STPG4: variants seen among roughly 807,000 people sequenced by gnomAD.
The protein encoded by STPG4 is protein STPG4.
Under a neutral mutation model 31.5 loss-of-function variants are expected in STPG4, and 41 were observed. That is an observed-to-expected ratio of 1.30 (90% confidence interval 1.01 to 1.69). STPG4 has a LOEUF of 1.69. Ranked by LOEUF, STPG4 falls within the 40% of genes most tolerant of loss-of-function variation. The probability of loss-of-function intolerance (pLI) is 0.00; values close to 1 mark genes in which losing one functional copy is unlikely to be tolerated. For synonymous variants in STPG4, 141 were observed against 103.0 expected (o/e 1.37, Z -2.24); for missense variants, 375 against 293.4 (o/e 1.28, Z -2.03).
chr2:47,151,082 A>G (rs552706080), intron 3 of STPG4, among the ~76,000 whole-genome samples, 176 bp downstream of exon 3: 36 of 152,238 alleles, frequency 2.4e-4, no homozygotes, highest in African/African-American at 8.2e-4. Flanking sequence ...ATAGGGAAAA[A>G]TCTTACTGGA....
chr2:47,108,922 T>G (rs1685980294), intron 5 of STPG4: 1 of 152,292 alleles, frequency 6.6e-6, no homozygotes, highest in Non-Finnish European at 1.5e-5. Context: ...CCATTTTGCC[T>G]AGCCCAAGGG....
chr2:47,102,639 C>T (rs1481969566), intron 5 of STPG4, among the ~76,000 whole-genome samples: 1 of 151,828 alleles, frequency 6.6e-6, no homozygotes. Context: ...ATCCTAGCCT[C>T]CCTATAGCTC....
At chr2:47,102,339 C>T (rs546908609) in intron 5 of STPG4, among the ~76,000 whole-genome samples, 36 of 151,974 alleles carry the variant, frequency 2.4e-4, no homozygotes, top group Middle Eastern at 3.4e-3. Flanking sequence ...CCTTGAAATG[C>T]ATCCTAAGCC....
chr2:47,106,475 T>A (rs1463566150), intron 5 of STPG4, among the ~76,000 whole-genome samples: 1 of 151,790 alleles, frequency 6.6e-6, no homozygotes, highest in Non-Finnish European at 1.5e-5. Flanking sequence ...TACCACACAC[T>A]CTCAAAGGAT....
At chr2:47,150,934 T>C (rs767066892) in intron 3 of STPG4, among the ~76,000 whole-genome samples, 42 of 152,086 alleles carry the variant, frequency 2.8e-4, no homozygotes, top group Non-Finnish European at 5.4e-4. Context: ...TCACCACATA[T>C]ACTGCTTGAA....
At chr2:47,092,919 A>C (rs1430295259) in intron 5 of STPG4, among the ~76,000 whole-genome samples, 1 of 152,092 alleles carries the variant, frequency 6.6e-6, no homozygotes, top group African/African-American at 2.4e-5. Context: ...CAGCCTCTCA[A>C]GTAGCTAGGA....
intron 5 of STPG4, among the ~76,000 whole-genome samples, chr2:47,091,595 C>G (rs931978204): frequency 6.6e-6 from 1 of 152,088 alleles, no homozygotes; most frequent in African/African-American, 2.4e-5. Context: ...TGTCTTAGAT[C>G]TGTTTCTAAA....
intron 3 of STPG4, among the ~76,000 whole-genome samples, chr2:47,149,917 C>T (rs974303222): frequency 6.6e-6 from 1 of 152,172 alleles, no homozygotes; most frequent in Admixed American, 6.5e-5. Context: ...CCTTTGGATT[C>T]CATCTACCCA....
chr2:47,089,764 G>C (rs1685531814), intron 6 of STPG4, among the ~76,000 whole-genome samples: 1 of 152,112 alleles, frequency 6.6e-6, no homozygotes, highest in South Asian at 2.1e-4. Flanking sequence ...CACTTTCTTT[G>C]TATCTCTCCA....
In STPG4 at chr2:47,092,533, AGGGG is replaced by A. The variant is rs1281597693; in HGVS notation, c.520-2163_520-2160del. Among the ~76,000 whole-genome samples the A allele has an allele frequency of 2.6e-3, 317 of 121,882 alleles. 5 individuals carry two copies. The highest frequency in any genetic ancestry group is 0.013 in the Middle Eastern group (3 of 234). The allele number at this position is 121,882 out of a possible 152,430, so 80.0% of individuals were successfully genotyped here. ...ACAGAATGAGACCCAAGAAAAGAAAAGGGGAGGGGAGGGAGAAAGGGAGGGGAGG... is the reference window on the plus strand; with the variant it reads ...ACAGAATGAGACCCAAGAAAAGAAAAAGGGGAGGGAGAAAGGGAGGGGAGG... On this transcript the variant is annotated intron_variant, in intron 5 of 6. Coordinates refer to ENST00000445927, the MANE Select transcript of STPG4 (RefSeq NM_001163561.2).
At chr2:47,104,142 G>A (rs1268544645) in intron 5 of STPG4, among the ~76,000 whole-genome samples, 2 of 151,898 alleles carry the variant, frequency 1.3e-5, no homozygotes, top group African/African-American at 2.4e-5. Flanking sequence ...TACTTAAAGA[G>A]GGAATCAACC....
chr2:47,115,747 G>A (rs542205091), intron 5 of STPG4, among the ~76,000 whole-genome samples: 1 of 149,416 alleles, frequency 6.7e-6, no homozygotes, highest in Non-Finnish European at 1.5e-5. Flanking sequence ...CTGCCTCCTG[G>A]GTTCAAGCGA....
At chr2:47,153,680 C>T (rs917146880) in intron 1 of STPG4, among the ~76,000 whole-genome samples, 39 of 152,046 alleles carry the variant, frequency 2.6e-4, no homozygotes, top group African/African-American at 8.7e-4. Flanking sequence ...GGCTGAGGCA[C>T]GAGAATCACT....
intron 5 of STPG4, among the ~76,000 whole-genome samples, chr2:47,103,375 T>C (rs1462730261): frequency 6.6e-6 from 1 of 151,876 alleles, no homozygotes; most frequent in Non-Finnish European, 1.5e-5. Flanking sequence ...CAGCCGCAGA[T>C]ATCAGGAGAA....
At chr2:47,125,883 G>T (rs990264353) in intron 5 of STPG4, among the ~76,000 whole-genome samples, 2 of 152,178 alleles carry the variant, frequency 1.3e-5, no homozygotes, top group African/African-American at 4.8e-5. Context: ...AATCCATTTT[G>T]ATTTGATTTT....
chr2:47,153,209 C>T (rs1006160013), intron 1 of STPG4, among the ~76,000 whole-genome samples, 193 bp from the exon 2 acceptor site: 2 of 152,178 alleles, frequency 1.3e-5, no homozygotes, highest in African/African-American at 2.4e-5. Flanking sequence ...TAAGTCCTTT[C>T]AAATAACTAA....
Position 47,155,204 on chromosome 2 carries a change from G to A in STPG4, c.48C>T (p.Asp16=). The change falls in exon 1 of 7, where the codon GAC becomes GAT. Residue 16 remains aspartate, a synonymous_variant. Coordinates refer to ENST00000445927, the MANE Select transcript of STPG4 (RefSeq NM_001163561.2). ...VATASTSIRE[D]LVGGESFITA... ...TGATGAATGATTCTCCACCCACCAG[G>A]TCTTCCCTTATTGAGGTGGAAGCGG... The A allele has an allele frequency of 1.2e-6, 2 of 1,614,176 alleles. No individual in the cohort carries two copies. The highest frequency in any genetic ancestry group is 1.7e-6 in the Non-Finnish European group (2 of 1,180,032).
chr2:47,131,192 T>A (rs960257507), intron 3 of STPG4, among the ~76,000 whole-genome samples: 5 of 151,320 alleles, frequency 3.3e-5, no homozygotes, highest in African/African-American at 1.2e-4. Context: ...AGTGGCGTGA[T>A]CACAGCTCAC....
intron 6 of STPG4, among the ~76,000 whole-genome samples, chr2:47,089,189 T>C (rs916244831): frequency 6.6e-6 from 1 of 152,244 alleles, no homozygotes; most frequent in Non-Finnish European, 1.5e-5. Context: ...TTCCTGAGAA[T>C]GCCTGACCCC....
Sources: allele counts gnomAD v4.1 joint callset (sites outside exome capture counted in the v4.1 genomes callset), GRCh38; gene constraint gnomAD v4.1.1; transcripts MANE v1.5; gene names NCBI Gene and HGNC (gene_info 2026-07-23, HGNC 2026-07-21).